CPXM2: variants seen among roughly 807,000 people sequenced by gnomAD.
CPXM2 encodes inactive carboxypeptidase-like protein X2.
A neutral mutation model predicts 86.1 loss-of-function variants in CPXM2; 66 were observed. The ratio of observed to expected loss-of-function variants is 0.77; its 90% confidence interval spans 0.63 to 0.94. The LOEUF is 0.94. CPXM2 is among the 40% of genes least tolerant of loss of function. CPXM2 has a pLI of 0.00. For synonymous variants in CPXM2, 388 were observed against 400.2 expected, an observed-to-expected ratio of 0.97 and a Z score of 0.36; for missense variants, 948 against 1,026.3, an observed-to-expected ratio of 0.92 and a Z score of 1.04.
chr10:123,839,510 C>T (rs1002050650), intron 4 of CPXM2, among the ~76,000 whole-genome samples: 3 of 151,922 alleles, frequency 2.0e-5, no homozygotes, highest in Non-Finnish European at 4.4e-5. Flanking sequence ...GGTAAGGTCC[C>T]GGGAATAATG....
At chr10:123,837,205 C>T (rs1279996840) in intron 4 of CPXM2, among the ~76,000 whole-genome samples, 3 of 152,234 alleles carry the variant, frequency 2.0e-5, no homozygotes, top group African/African-American at 7.2e-5. Flanking sequence ...CGTCTCAGGG[C>T]TCAGGGCTGA....
intron 3 of CPXM2, among the ~76,000 whole-genome samples, chr10:123,847,494 C>G (rs1163497288): frequency 1.3e-5 from 2 of 151,844 alleles, no homozygotes; most frequent in Non-Finnish European, 2.9e-5. Flanking sequence ...CCACTGCACT[C>G]TAGCCTGGGC....
At chr10:123,757,098 G>T in intron 12 of CPXM2, 115 bp downstream of exon 12, 1 of 951,062 alleles carries the variant, frequency 1.1e-6, no homozygotes, top group Non-Finnish European at 1.7e-6. Context: ...CACTGTGCTG[G>T]CCCAGGATGA....
chr10:123,837,092 G>T (rs906552052), intron 4 of CPXM2, among the ~76,000 whole-genome samples: 1 of 152,240 alleles, frequency 6.6e-6, no homozygotes, highest in African/African-American at 2.4e-5. Context: ...TCCTTCTGAC[G>T]TTGGCATCTT....
Position 123,755,969 on chromosome 10 carries a change from A to G in CPXM2, c.1918-1207T>C, listed in dbSNP as rs1187931438. ...GAATTCCTTGAGTGAGAGGTTCCCC[A>G]AAGAAGGAAAAACAGACTCACACCC... On this transcript the variant is annotated intron_variant, in intron 12 of 13. Transcript: ENST00000241305. Among the ~76,000 whole-genome samples the G allele has an allele frequency of 2.0e-5, 3 of 152,234 alleles. No homozygotes were observed. In the East Asian group the frequency reaches 5.8e-4, roughly 29 times the overall value.
chr10:123,923,182 G>A (rs193137464), intron 2 of CPXM2, among the ~76,000 whole-genome samples: 21 of 151,858 alleles, frequency 1.4e-4, no homozygotes, highest in South Asian at 6.2e-4. Context: ...AGTTGATGTC[G>A]TGGAAAAGAA....
In CPXM2 at chr10:123,754,541, G is replaced by A; in HGVS notation, c.2017+122C>T. The A allele has an allele frequency of 1.5e-6, 1 of 659,344 alleles. No individual in the cohort carries two copies. Among genetic ancestry groups the A allele is most frequent in the South Asian group, 1.8e-5 (1 of 54,238 alleles). The allele number at this position is 659,344 out of a possible 1,614,324, so 40.8% of individuals were successfully genotyped here. A position where few individuals can be genotyped will look rare whatever the true frequency, so the allele number is the denominator to read the frequency against. On this transcript the variant is annotated intron_variant, in intron 13 of 13. Coordinates refer to ENST00000241305, the MANE Select transcript of CPXM2 (RefSeq NM_198148.3). This position sits in a 1 kb window ranked among gnomAD's most constrained non-coding sequence, Gnocchi z 4.0. ...AAAAGTGGGAAATTTAGAGGAAGGA[G>A]ACTGTAATTTGGCTCTGAGTAAGAC...
chr10:123,930,962 C>A (rs1945662186), intron 2 of CPXM2, among the ~76,000 whole-genome samples: 1 of 152,216 alleles, frequency 6.6e-6, no homozygotes, highest in African/African-American at 2.4e-5. Context: ...CTTACCCACA[C>A]TGGGTTTGCC....
At chr10:123,907,683 A>T (rs1009989679) in intron 2 of CPXM2, among the ~76,000 whole-genome samples, 4 of 129,100 alleles carry the variant, frequency 3.1e-5, no homozygotes, top group African/African-American at 1.1e-4. Context: ...AGAAACATAG[A>T]TGCCCCCCCT....
chr10:123,928,194 A>T (rs1190847938), intron 2 of CPXM2, among the ~76,000 whole-genome samples: 2 of 152,152 alleles, frequency 1.3e-5, no homozygotes, highest in African/African-American at 4.8e-5. Flanking sequence ...GCCACCAGAG[A>T]GCTTTGATTC....
chr10:123,833,997 A>G (rs766249404), intron 4 of CPXM2, among the ~76,000 whole-genome samples: 2 of 152,148 alleles, frequency 1.3e-5, no homozygotes, highest in African/African-American at 2.4e-5. Context: ...CAACAACCCT[A>G]TGTGGTAGCT....
chr10:123,834,383 A>G (rs1848234192), intron 4 of CPXM2, among the ~76,000 whole-genome samples: 2 of 152,248 alleles, frequency 1.3e-5, no homozygotes, highest in African/African-American at 4.8e-5. Context: ...CCTGCTCCCC[A>G]GGAGCAACGT....
chr10:123,862,803 T>C, intron 2 of CPXM2, 80 bp from the exon 3 acceptor site: 1 of 1,261,650 alleles, frequency 7.9e-7, no homozygotes, highest in Admixed American at 1.9e-5. Context: ...TCTGGCCGCG[T>C]GCTTTTCCAT....
intron 2 of CPXM2, chr10:123,931,724 G>A (rs751705671): frequency 6.6e-6 from 1 of 152,204 alleles, no homozygotes; most frequent in African/African-American, 2.4e-5. Flanking sequence ...ATGAATAGAT[G>A]CAGTAATTAT....
At chr10:123,810,963 G>T (rs1427608845) in intron 4 of CPXM2, among the ~76,000 whole-genome samples, 3 of 151,968 alleles carry the variant, frequency 2.0e-5, no homozygotes, top group African/African-American at 4.8e-5. Flanking sequence ...AAATGTAAGA[G>T]AATTGAGAGC....
chr10:123,755,788 C>T (rs184319003), intron 12 of CPXM2, among the ~76,000 whole-genome samples: 119 of 152,282 alleles, frequency 7.8e-4, no homozygotes, highest in South Asian at 4.2e-4. Flanking sequence ...AATGACTTTA[C>T]GCATATTTCG....
intron 3 of CPXM2, chr10:123,843,400 AC>A (rs1420090381): frequency 3.1e-6 from 1 of 327,514 alleles, no homozygotes; most frequent in Non-Finnish European, 5.8e-6. Flanking sequence ...TCGTTTATTA[AC>A]CCTATTTTTC....
At position 123,754,524 on chromosome 10, in the gene CPXM2, G is replaced by C; in HGVS notation, c.2017+139C>G. The C allele has an allele frequency of 1.6e-6, 1 of 624,194 alleles. No individual in the cohort carries two copies. The highest frequency in any genetic ancestry group is 2.9e-6 in the Non-Finnish European group (1 of 342,074). 38.7% of individuals were successfully genotyped at this position (624,194 alleles called of 1,614,324 possible). A position where few individuals can be genotyped will look rare whatever the true frequency, so the allele number is the denominator to read the frequency against. ...CTTCCAAGGGTCTCTTGAAAAGTGG[G>C]AAATTTAGAGGAAGGAGACTGTAAT... On this transcript the variant is annotated intron_variant, in intron 13 of 13. Transcript: ENST00000241305. This position sits in a 1 kb window ranked among gnomAD's most constrained non-coding sequence, Gnocchi z 4.0.
At chr10:123,916,697 T>A (rs182022911) in intron 2 of CPXM2, among the ~76,000 whole-genome samples, 1 of 152,214 alleles carries the variant, frequency 6.6e-6, no homozygotes, top group African/African-American at 2.4e-5. Context: ...GTTTGTTGGT[T>A]TGATCTGGCT....
Sources: gnomAD v4.1 joint callset for allele counts (sites outside exome capture counted in the v4.1 genomes callset) on GRCh38, gnomAD v4.1.1 for gene constraint, Gnocchi (gnomAD v3.1) non-coding constraint, MANE v1.5 for transcripts, NCBI Gene and HGNC (gene_info 2026-07-23, HGNC 2026-07-21) for gene names.